The following ANK3 variants were observed in gnomAD, a reference collection of about 807,000 sequenced individuals.
The protein encoded by ANK3 is ankyrin 3, also known as ankyrin-3.
A neutral mutation model predicts 370.9 loss-of-function variants in ANK3; 57 were observed. The observed-to-expected ratio is 0.15, with a 90% CI of 0.12 to 0.19. The LOEUF is 0.19. Ranked by LOEUF, ANK3 falls within the 10% of genes least tolerant of loss-of-function variation. The probability of loss-of-function intolerance (pLI) is 1.00; values close to 1 mark genes in which losing one functional copy is unlikely to be tolerated. For synonymous variants in ANK3, 1,929 were observed against 1,946.3 expected, an observed-to-expected ratio of 0.99 and a Z score of 0.23; for missense variants, 4,439 against 5,302.1, an observed-to-expected ratio of 0.84 and a Z score of 5.06.
intron 2 of ANK3, among the ~76,000 whole-genome samples, chr10:60,570,283 A>G (rs1376100130): frequency 6.6e-6 from 1 of 152,216 alleles, no homozygotes; most frequent in African/African-American, 2.4e-5. Flanking sequence ...AGAATAAAGT[A>G]GGTATCTGAT....
chr10:60,071,068 A>G lies in ANK3; in HGVS notation c.9813T>C (p.His3271=). ...CAACCTCTTTTTCTGGGAGATAATGATGCTTCTTATCTGACTCAATCTGGT... is the reference window on the plus strand; with the variant it reads ...CAACCTCTTTTTCTGGGAGATAATGGTGCTTCTTATCTGACTCAATCTGGT... The part of the protein sequence containing the change: ...DADQIESDKK[H]HYLPEKEVDM... The change falls in exon 37 of 44, where the codon CAT becomes CAC. Residue 3271 remains histidine, a synonymous_variant. Coordinates refer to ENST00000280772, the MANE Select transcript of ANK3 (RefSeq NM_020987.5). 1 of 1,614,146 alleles carries G rather than the reference A, an allele frequency of 6.2e-7. No individual in the cohort carries two copies. The highest frequency in any genetic ancestry group is 8.5e-7 in the Non-Finnish European group (1 of 1,180,018).
At chr10:60,145,617 A>G (rs2096822342) in intron 23 of ANK3, among the ~76,000 whole-genome samples, 2 of 152,202 alleles carry the variant, frequency 1.3e-5, no homozygotes, top group Admixed American at 1.3e-4. Flanking sequence ...TTCCATTTCA[A>G]AATAAAACAC....
intron 1 of ANK3, among the ~76,000 whole-genome samples, chr10:60,624,747 G>A (rs1474932338): frequency 6.6e-6 from 1 of 150,984 alleles, no homozygotes; most frequent in Non-Finnish European, 1.5e-5. Flanking sequence ...AAAACTGGTG[G>A]AATTGAGGAG....
At chr10:60,648,744 T>C (rs2133359625) in intron 1 of ANK3, among the ~76,000 whole-genome samples, 1 of 138,136 alleles carries the variant, frequency 7.2e-6, no homozygotes, top group East Asian at 2.1e-4. Flanking sequence ...AACTCCAGCC[T>C]GGGTGACAGA....
intron 2 of ANK3, among the ~76,000 whole-genome samples, chr10:60,465,949 G>T (rs750605982): frequency 1.4e-4 from 21 of 151,882 alleles, no homozygotes; most frequent in Non-Finnish European, 2.8e-4. Context: ...CATCTCATAT[G>T]AGCCTTTATT....
chr10:60,631,827 T>G (rs2078487927), intron 1 of ANK3, among the ~76,000 whole-genome samples: 1 of 152,206 alleles, frequency 6.6e-6, no homozygotes, highest in Non-Finnish European at 1.5e-5. Context: ...CATCCAAAGA[T>G]AAACCATGTT....
At chr10:60,639,983 G>C (rs1056140289) in intron 1 of ANK3, among the ~76,000 whole-genome samples, 51 of 151,852 alleles carry the variant, frequency 3.4e-4, no homozygotes, top group Middle Eastern at 3.4e-3. Context: ...GAAATTTATA[G>C]ACACAGGTTA....
chr10:60,449,060 CT>C (rs762634184), intron 2 of ANK3, among the ~76,000 whole-genome samples: 10 of 152,234 alleles, frequency 6.6e-5, no homozygotes, highest in Middle Eastern at 3.4e-3. Flanking sequence ...GAAATAGTCT[CT>C]GAATGAACAT....
rs1282972088 is a variant in ANK3 at position 60,532,306 on chromosome 10, T to C, written c.96+82880A>G. On this transcript the variant is annotated intron_variant, in intron 2 of 43. Coordinates refer to the ANK3 transcript ENST00000373827. The stretch of plus-strand genomic sequence containing the variant: ...TTTTAGCAGGCACCAGAATGCTAAA[T>C]GGGGTGCACTCTTTCATTTACACAA... 2.0e-5 allele frequency among the ~76,000 whole-genome samples: 3 copies of C among 152,098 alleles called. 1 individual carries two copies. Among genetic ancestry groups the C allele is most frequent in the Non-Finnish European group, 4.4e-5 (3 of 68,000 alleles).
chr10:60,084,858 A>C (rs2086263446), intron 31 of ANK3, 28 bp from the exon 32 acceptor site: 1 of 1,477,382 alleles, frequency 6.8e-7, no homozygotes, highest in Non-Finnish European at 9.0e-7. Flanking sequence ...CAGAAGTATG[A>C]AAATGTGGCT....
At chr10:60,163,152 CTCTT>C (rs1451770835) in intron 23 of ANK3, among the ~76,000 whole-genome samples, 2 of 152,058 alleles carry the variant, frequency 1.3e-5, no homozygotes, top group Non-Finnish European at 2.9e-5. Flanking sequence ...TATACACACA[CTCTT>C]TCATATTTTC....
At chr10:60,526,671 C>A (rs1403239479) in intron 2 of ANK3, among the ~76,000 whole-genome samples, 1 of 152,042 alleles carries the variant, frequency 6.6e-6, no homozygotes, top group African/African-American at 2.4e-5. Context: ...ATATTTTCTA[C>A]AACAGATTTC....
At chr10:60,198,982 G>A (rs1369782096) in intron 13 of ANK3, among the ~76,000 whole-genome samples, 1 of 152,146 alleles carries the variant, frequency 6.6e-6, no homozygotes, top group African/African-American at 2.4e-5. Flanking sequence ...AGAGTGTGAG[G>A]AAGGCAGTGT....
chr10:60,479,742 A>G (rs1463529411), intron 2 of ANK3, among the ~76,000 whole-genome samples: 2 of 151,962 alleles, frequency 1.3e-5, no homozygotes, highest in African/African-American at 4.8e-5. Context: ...ACAGCCAACT[A>G]TGTTGGTCGA....
chr10:60,386,286 T>TG (rs2062299723), intron 1 of ANK3, among the ~76,000 whole-genome samples: 1 of 151,654 alleles, frequency 6.6e-6, no homozygotes, highest in African/African-American at 2.4e-5. Flanking sequence ...GGAAGGGCAG[T>TG]GGGAAAGTAT....
chr10:60,232,768 A>G (rs2097265567), intron 8 of ANK3, among the ~76,000 whole-genome samples: 1 of 152,152 alleles, frequency 6.6e-6, no homozygotes, highest in Non-Finnish European at 1.5e-5. Flanking sequence ...TTTGTTTCAT[A>G]AGGGCAGGGG....
intron 2 of ANK3, among the ~76,000 whole-genome samples, chr10:60,596,762 G>A (rs1567171228): frequency 6.6e-6 from 1 of 152,048 alleles, no homozygotes; most frequent in Non-Finnish European, 1.5e-5. Flanking sequence ...GAATTCTCCT[G>A]ATTAAAAAAA....
chr10:60,218,097 C>CTTTTTTTTTTTTTTTTTTTT (rs199989242), intron 8 of ANK3, among the ~76,000 whole-genome samples: 20 of 126,150 alleles, frequency 1.6e-4, no homozygotes, highest in Middle Eastern at 4.2e-3. Context: ...CTTTTTCTTT[C>CTTTTTTTTTTTTTTTTTTTT]TTTTTTTTTT....
chr10:60,273,908 A>C (rs906546575), intron 4 of ANK3, among the ~76,000 whole-genome samples: 2 of 152,170 alleles, frequency 1.3e-5, no homozygotes, highest in African/African-American at 4.8e-5. Context: ...AGCCATGTGG[A>C]ACTATGAGTC....
Sources: allele counts gnomAD v4.1 joint callset (sites outside exome capture counted in the v4.1 genomes callset), GRCh38; gene constraint gnomAD v4.1.1; transcripts MANE v1.5; gene names NCBI Gene and HGNC (gene_info 2026-07-23, HGNC 2026-07-21).